SOX5: variants seen among roughly 807,000 people sequenced by gnomAD.
The protein encoded by SOX5 is transcription factor SOX-5.
Under a neutral mutation model 92.0 loss-of-function variants are expected in SOX5, and 9 were observed. That is an observed-to-expected ratio of 0.10 (90% CI 0.06 to 0.17). SOX5 has a LOEUF of 0.17. SOX5 is among the 10% of genes least tolerant of loss of function. The probability of loss-of-function intolerance (pLI) is 1.00; values close to 1 mark genes in which losing one functional copy is unlikely to be tolerated. For missense variants in SOX5, 642 were observed against 944.5 expected (o/e 0.68, Z 4.20); for synonymous variants, 344 against 336.3 (o/e 1.02, Z -0.25).
chr12:24,177,968 A>C (rs1239983305), intron 4 of SOX5, among the ~76,000 whole-genome samples: 1 of 152,232 alleles, frequency 6.6e-6, no homozygotes, highest in East Asian at 1.9e-4. Context: ...CATTTGTTTC[A>C]AGGATGAACA....
At chr12:24,430,957 C>T (rs1938190764) in intron 1 of SOX5, among the ~76,000 whole-genome samples, 1 of 152,094 alleles carries the variant, frequency 6.6e-6, no homozygotes, top group South Asian at 2.1e-4. Flanking sequence ...TTGTATAATG[C>T]TATCAACACT....
At chr12:24,045,176 C>G (rs1956878318) in intron 4 of SOX5, among the ~76,000 whole-genome samples, 1 of 152,158 alleles carries the variant, frequency 6.6e-6, no homozygotes, top group Non-Finnish European at 1.5e-5. Flanking sequence ...GATCAAGTCT[C>G]CACCCCTGAC....
chr12:23,746,413 G>A (rs888392670), intron 4 of SOX5, among the ~76,000 whole-genome samples: 1 of 152,138 alleles, frequency 6.6e-6, no homozygotes, highest in Admixed American at 6.6e-5. Context: ...ACACAGTCAT[G>A]TATATATGAA....
At chr12:24,213,019 T>A (rs1315345952) in intron 4 of SOX5, among the ~76,000 whole-genome samples, 5 of 150,516 alleles carry the variant, frequency 3.3e-5, no homozygotes, top group Non-Finnish European at 5.9e-5. Context: ...TTAAAAGTCA[T>A]TAAGGGAAAG....
intron 4 of SOX5, among the ~76,000 whole-genome samples, chr12:24,160,716 C>G (rs1328305663): frequency 6.6e-6 from 1 of 152,032 alleles, no homozygotes. Context: ...GAAGTGTTTT[C>G]TTCTGTAGAT....
At chr12:24,048,951 C>A (rs1488742587) in intron 4 of SOX5, among the ~76,000 whole-genome samples, 1 of 152,068 alleles carries the variant, frequency 6.6e-6, no homozygotes, top group East Asian at 1.9e-4. Context: ...GTGATGTTTG[C>A]ACCACTCCAT....
At chr12:24,191,310 C>T (rs532864328) in intron 4 of SOX5, among the ~76,000 whole-genome samples, 1 of 152,282 alleles carries the variant, frequency 6.6e-6, no homozygotes, top group African/African-American at 2.4e-5. Context: ...TGCTCTTTTC[C>T]TGAGTCAGCA....
intron 3 of SOX5, among the ~76,000 whole-genome samples, chr12:23,785,865 A>C (rs901024115): frequency 5.9e-5 from 9 of 152,120 alleles, no homozygotes; most frequent in Admixed American, 2.0e-4. Flanking sequence ...CAATAGAAGA[A>C]TTATAGTTTT....
intron 6 of SOX5, among the ~76,000 whole-genome samples, chr12:23,701,678 G>A (rs777430437): frequency 6.6e-6 from 1 of 151,970 alleles, no homozygotes; most frequent in African/African-American, 2.4e-5. Context: ...TACTAGAGGT[G>A]ATTTTTCAGT....
chr12:23,724,068 T>C (rs936444749), intron 6 of SOX5, among the ~76,000 whole-genome samples: 1 of 152,222 alleles, frequency 6.6e-6, no homozygotes, highest in Non-Finnish European at 1.5e-5. Flanking sequence ...CTTGTTTTAC[T>C]GCAGAAAGCG....
At chr12:23,968,934 C>T (rs547067925) in intron 4 of SOX5, among the ~76,000 whole-genome samples, 1 of 152,304 alleles carries the variant, frequency 6.6e-6, no homozygotes, top group South Asian at 2.1e-4. Context: ...TTTGCCAAGA[C>T]TATTTCTATT....
intron 4 of SOX5, among the ~76,000 whole-genome samples, chr12:24,152,185 T>C (rs902103267): frequency 1.3e-5 from 2 of 152,190 alleles, no homozygotes; most frequent in East Asian, 3.9e-4. Flanking sequence ...AAATGAAAGT[T>C]GACATATGTC....
chr12:23,800,537 G>T (rs2142138168), intron 3 of SOX5, among the ~76,000 whole-genome samples: 1 of 151,842 alleles, frequency 6.6e-6, no homozygotes, highest in Middle Eastern at 3.4e-3. Context: ...ACAACGTTTA[G>T]GTATCACTCT....
At chr12:23,789,850 G>A (rs10771029) in intron 3 of SOX5, among the ~76,000 whole-genome samples, 86,457 of 151,954 alleles carry the variant, frequency 0.57, 24,735 homozygotes, top group East Asian at 0.82. Flanking sequence ...AAATAACCAT[G>A]TACATAGAAA....
chr12:24,435,361 G>A (rs184858824), intron 1 of SOX5, among the ~76,000 whole-genome samples: 6 of 152,290 alleles, frequency 3.9e-5, no homozygotes, highest in East Asian at 1.9e-4. Context: ...CCTAGTACAT[G>A]AGCCAATAAA....
chr12:24,522,423 G>C (rs1203989932), intron 1 of SOX5, among the ~76,000 whole-genome samples: 4 of 151,862 alleles, frequency 2.6e-5, no homozygotes, highest in Admixed American at 6.6e-5. Flanking sequence ...TATTTCATAA[G>C]GCCAGCATTA....
rs565101096 is a variant in SOX5, at chr12:23,593,131, T to C, written c.1164+11256A>G. On this transcript the variant is annotated intron_variant, in intron 9 of 14. Transcript: ENST00000451604. ...ACTGTTTCCTTAAAAAAAATAGTTT[T>C]TCTAAATTTCAAATAGGTAGTTCAT... 5.9e-5 allele frequency among the ~76,000 whole-genome samples: 9 copies of C among 152,258 alleles called. No individual in the cohort carries two copies. The South Asian group carries it at 1.9e-3, about 32-fold the overall frequency.
intron 5 of SOX5, among the ~76,000 whole-genome samples, chr12:23,739,759 T>C (rs1268971920): frequency 1.3e-5 from 2 of 152,244 alleles, no homozygotes; most frequent in African/African-American, 4.8e-5. Flanking sequence ...CTGCCTTTTG[T>C]ATGTCATTTA....
chr12:24,163,948 T>G (rs1205517751), intron 4 of SOX5, among the ~76,000 whole-genome samples: 3 of 151,996 alleles, frequency 2.0e-5, no homozygotes, highest in African/African-American at 7.2e-5. Context: ...AAATAATTTA[T>G]CAAAATTATT....
Sources: allele counts gnomAD v4.1 joint callset (sites outside exome capture counted in the v4.1 genomes callset), GRCh38; gene constraint gnomAD v4.1.1; transcripts MANE v1.5; gene names NCBI Gene and HGNC (gene_info 2026-07-23, HGNC 2026-07-21).